IGF2BP1: variants seen among roughly 807,000 people sequenced by gnomAD.
IGF2BP1 encodes the protein insulin-like growth factor 2 mRNA-binding protein 1.
In IGF2BP1, 11 loss-of-function variants were observed where a neutral mutation model predicts 74.9. That is an observed-to-expected ratio of 0.15 (90% CI 0.09 to 0.24). The LOEUF is 0.24. Among genes scored for constraint, IGF2BP1 ranks in the 10% least tolerant of loss-of-function variants. The probability of loss-of-function intolerance (pLI) is 1.00; values close to 1 mark genes in which losing one functional copy is unlikely to be tolerated. For synonymous variants in IGF2BP1, 287 were observed against 281.8 expected, an observed-to-expected ratio of 1.02 and a Z score of -0.18; for missense variants, 440 against 757.4, an observed-to-expected ratio of 0.58 and a Z score of 4.92.
intron 2 of IGF2BP1, among the ~76,000 whole-genome samples, chr17:49,016,952 G>A (rs1162074726): frequency 2.7e-5 from 4 of 149,106 alleles, no homozygotes; most frequent in South Asian, 2.1e-4. Flanking sequence ...ATCCTGAAGC[G>A]TGCCAGGTCC....
chr17:49,035,777 C>T (rs1361270275), intron 5 of IGF2BP1, among the ~76,000 whole-genome samples: 4 of 152,338 alleles, frequency 2.6e-5, no homozygotes, highest in African/African-American at 7.2e-5. Context: ...CTGACCCGGG[C>T]CCGCCCCCCA....
chr17:49,025,184 ACT>A (rs1399330486), intron 2 of IGF2BP1, among the ~76,000 whole-genome samples: 4 of 152,114 alleles, frequency 2.6e-5, no homozygotes, highest in Non-Finnish European at 4.4e-5. Flanking sequence ...AGAGCGAGAG[ACT>A]CTGTCTCAAA....
At chr17:49,035,695 C>T (rs1228289695) in intron 5 of IGF2BP1, among the ~76,000 whole-genome samples, 1 of 152,180 alleles carries the variant, frequency 6.6e-6, no homozygotes, top group Non-Finnish European at 1.5e-5. Flanking sequence ...CTCCCCTGGG[C>T]GGCCGCCCAT....
At chr17:49,025,313 A>AGTTGTGT (rs1555598807) in intron 2 of IGF2BP1, among the ~76,000 whole-genome samples, 6 of 133,554 alleles carry the variant, frequency 4.5e-5, no homozygotes, top group Non-Finnish European at 9.6e-5. Flanking sequence ...GGACAAACAA[A>AGTTGTGT]GTGTGTGTGT....
intron 2 of IGF2BP1, among the ~76,000 whole-genome samples, chr17:49,001,701 G>C (rs2041490084): frequency 6.6e-6 from 1 of 152,086 alleles, no homozygotes; most frequent in Admixed American, 6.5e-5. Flanking sequence ...GTTGGAATTT[G>C]GTTAACAATT....
chr17:49,032,950 G>A (rs754630076), intron 5 of IGF2BP1, among the ~76,000 whole-genome samples: 2 of 151,996 alleles, frequency 1.3e-5, no homozygotes, highest in Non-Finnish European at 2.9e-5. Flanking sequence ...CAAGTAGGTG[G>A]GACTACAGAC....
intron 2 of IGF2BP1, among the ~76,000 whole-genome samples, chr17:49,002,041 A>G (rs998125586): frequency 1.3e-5 from 2 of 152,140 alleles, no homozygotes; most frequent in Non-Finnish European, 2.9e-5. Context: ...AAAAAATGAA[A>G]GAGATGCACT....
At chr17:49,003,069 G>T (rs1994969) in intron 2 of IGF2BP1, among the ~76,000 whole-genome samples, 89,208 of 151,978 alleles carry the variant, frequency 0.59, 27,640 homozygotes, top group African/African-American at 0.78. Flanking sequence ...AGAACTGCAA[G>T]TCCCATCACT....
At chr17:49,045,575 C>G (rs1166606337) in intron 12 of IGF2BP1, among the ~76,000 whole-genome samples, 2 of 152,194 alleles carry the variant, frequency 1.3e-5, no homozygotes, top group Non-Finnish European at 2.9e-5. Flanking sequence ...AGTGCCACGT[C>G]CAGATTCCAT....
rs957203952 is a variant in IGF2BP1, at chr17:49,050,579, C to T, written c.*1135C>T. 12 of 152,112 alleles carry T rather than the reference C, an allele frequency of 7.9e-5. No homozygotes were observed. The highest frequency in any genetic ancestry group is 2.9e-4 in the African/African-American group (12 of 41,412). 9.4% of individuals were successfully genotyped at this position (152,112 alleles called of 1,614,324 possible). A position where few individuals can be genotyped will look rare whatever the true frequency, so the allele number is the denominator to read the frequency against. ...GACTTGGAACCCAACCCTGAGCTCC[C>T]GATAAAGCTAAAGTCCATCATCTGG... On this transcript the variant is annotated 3_prime_UTR_variant, in exon 15 of 15. Transcript: ENST00000290341.
Position 49,038,377 on chromosome 17 carries a change from C to T in IGF2BP1, c.611C>T (p.Thr204Ile). 1 of 1,601,510 alleles carries T rather than the reference C, an allele frequency of 6.2e-7. No individual in the cohort carries two copies. Among genetic ancestry groups the T allele is most frequent in the Non-Finnish European group, 8.5e-7 (1 of 1,174,204 alleles). The change falls in exon 6 of 15, where the codon ACC becomes ATC. Residue 204 changes from threonine (T) to isoleucine (I), a missense_variant. Transcript: ENST00000290341. ...ATCCCCCTTCGGCTCCTGGTGCCCA[C>T]CCAGTATGTGGGTGCCATTATTGGC... ...VDIPLRLLVP[T>I]QYVGAIIGKE...
chr17:48,999,362 A>AT (rs2041456050), intron 2 of IGF2BP1, among the ~76,000 whole-genome samples, 193 bp downstream of exon 2: 1 of 151,308 alleles, frequency 6.6e-6, no homozygotes, highest in Admixed American at 6.6e-5. Context: ...CTTGTAAAAA[A>AT]AAAATAAATA....
Position 49,034,117 on chromosome 17 carries a change from T to C in IGF2BP1, c.401+2144T>C, listed in dbSNP as rs1350993200. 1.6e-4 allele frequency among the ~76,000 whole-genome samples: 21 copies of C among 131,386 alleles called. 1 individual carries two copies. The highest frequency in any genetic ancestry group is 4.4e-4 in the Admixed American group (6 of 13,744). The allele number at this position is 131,386 out of a possible 152,430, so 86.2% of individuals were successfully genotyped here. ...TAGAATTATATCATGATTTGCCCCT[T>C]TTTTTTTTTTTTTTTTTTGAGATGG... On this transcript the variant is annotated intron_variant, in intron 5 of 14. Transcript: ENST00000290341.
intron 2 of IGF2BP1, among the ~76,000 whole-genome samples, chr17:49,016,828 T>G (rs1369309839): frequency 3.5e-5 from 1 of 28,498 alleles, no homozygotes; most frequent in African/African-American, 1.3e-4. Context: ...CCCCCCCGCC[T>G]GTCCTCCCGC....
At chr17:49,041,627 A>G in intron 8 of IGF2BP1, 127 bp downstream of exon 8, 1 of 1,275,682 alleles carries the variant, frequency 7.8e-7, no homozygotes, top group Non-Finnish European at 1.1e-6. Context: ...TTGAAGAAAA[A>G]CAGTCGAAGT....
chr17:49,026,647 G>GCCTGCCTTCCTGCCTTCCTGCCTTCCTT (rs1567818921), intron 4 of IGF2BP1, 130 bp downstream of exon 4: 77 of 492,434 alleles, frequency 1.6e-4, no homozygotes, highest in Non-Finnish European at 2.6e-4. Flanking sequence ...CTTCCTTCCT[G>GCCTGCCTTCCTGCCTTCCTGCCTTCCTT]CCTGCCTTCC....
intron 9 of IGF2BP1, among the ~76,000 whole-genome samples, chr17:49,043,126 C>CT (rs938266794): frequency 6.6e-6 from 1 of 152,166 alleles, no homozygotes; most frequent in Non-Finnish European, 1.5e-5. Context: ...GGTCTATCGT[C>CT]TGTCTCCAGC....
At chr17:49,010,285 G>A (rs1324149758) in intron 2 of IGF2BP1, among the ~76,000 whole-genome samples, 1 of 143,814 alleles carries the variant, frequency 7.0e-6, no homozygotes, top group African/African-American at 2.6e-5. Context: ...ACTATTGCCA[G>A]TTTTACTTTT....
intron 5 of IGF2BP1, 118 bp from the exon 6 acceptor site, chr17:49,038,050 T>C: frequency 1.1e-6 from 1 of 891,278 alleles, no homozygotes; most frequent in Non-Finnish European, 1.6e-6. Flanking sequence ...GGCAGGTGAC[T>C]ATCTCCTTTT....
Sources: gnomAD v4.1 joint callset for allele counts (sites outside exome capture counted in the v4.1 genomes callset) on GRCh38, gnomAD v4.1.1 for gene constraint, MANE v1.5 for transcripts, NCBI Gene and HGNC (gene_info 2026-07-23, HGNC 2026-07-21) for gene names.